The following PTS variants were observed in gnomAD, a reference collection of about 807,000 sequenced individuals.
PTS encodes the protein 6-pyruvoyltetrahydropterin synthase.
Under a neutral mutation model 20.6 loss-of-function variants are expected in PTS, and 23 were observed. The observed-to-expected ratio is 1.12, with a 90% CI of 0.80 to 1.58. PTS has a LOEUF of 1.58. Ranked by LOEUF, PTS falls within the 40% of genes most tolerant of loss-of-function variation. The probability of loss-of-function intolerance (pLI) is 0.00; values close to 1 mark genes in which losing one functional copy is unlikely to be tolerated. For synonymous variants in PTS, 65 were observed against 62.5 expected (o/e 1.04, Z -0.19); for missense variants, 186 against 182.4 (o/e 1.02, Z -0.11).
intron 4 of PTS, among the ~76,000 whole-genome samples, chr11:112,232,463 A>G (rs1466491694): frequency 6.6e-6 from 1 of 152,170 alleles, no homozygotes; most frequent in African/African-American, 2.4e-5. Flanking sequence ...ACTGTTATTA[A>G]TGTACCCTTC....
chr11:112,230,006 G>A (rs954742999), intron 2 of PTS: 3 of 617,884 alleles, frequency 4.9e-6, no homozygotes, highest in Non-Finnish European at 8.6e-6. Context: ...CCTTTGTCTC[G>A]ATTGTGTCTT....
At chr11:112,230,712 C>A in intron 4 of PTS, 30 bp downstream of exon 4, 1 of 1,568,450 alleles carries the variant, frequency 6.4e-7, no homozygotes, top group Non-Finnish European at 8.8e-7. Context: ...TTATTATGTG[C>A]TATTCCCTAA....
At chr11:112,227,239 C>G (rs1339495721) in intron 1 of PTS, among the ~76,000 whole-genome samples, 1 of 152,004 alleles carries the variant, frequency 6.6e-6, no homozygotes, top group Non-Finnish European at 1.5e-5. Flanking sequence ...TGAGGATGAC[C>G]ATCGCTATCT....
At position 112,233,048 on chromosome 11, in the gene PTS, C is replaced by A. The variant is rs561693014; in HGVS notation, c.244-115C>A. 1.2e-4 allele frequency: 126 copies of A among 1,039,518 alleles called. No homozygotes were observed. In the African/African-American group the frequency reaches 1.8e-3, roughly 14 times the overall value. The allele number at this position is 1,039,518 out of a possible 1,614,324, so 64.4% of individuals were successfully genotyped here. On this transcript the variant is annotated intron_variant, in intron 4 of 5. Coordinates refer to ENST00000280362, the MANE Select transcript of PTS (RefSeq NM_000317.3). ...TTGTAAGACTCAAATCTAGTACTTA[C>A]AAATATTTAGTTAGTGGCTAAGTGA...
Position 112,230,533 on chromosome 11 carries a change from C to T in PTS, c.187-93C>T, listed in dbSNP as rs1357099270. 1.4e-5 allele frequency: 16 copies of T among 1,143,126 alleles called. No homozygotes were observed. The East Asian group carries it at 3.5e-4, about 25-fold the overall frequency. 70.8% of individuals were successfully genotyped at this position (1,143,126 alleles called of 1,614,324 possible). ...GAAGGCAAATGTGCAAATGTGGGCACAGTCTCTGCACATTGTACTGCCTTT... is the reference window on the plus strand; with the variant it reads ...GAAGGCAAATGTGCAAATGTGGGCATAGTCTCTGCACATTGTACTGCCTTT... On this transcript the variant is annotated intron_variant, in intron 3 of 5. Transcript: ENST00000280362.
At chr11:112,226,568 G>C (rs200932940) in intron 1 of PTS, 42 bp downstream of exon 1, 1 of 1,483,044 alleles carries the variant, frequency 6.7e-7, no homozygotes, top group Non-Finnish European at 9.0e-7. Context: ...GGTGGGCGCC[G>C]GGCCCCGGAA....
intron 4 of PTS, 120 bp downstream of exon 4, chr11:112,230,802 A>T: frequency 1.1e-6 from 1 of 916,076 alleles, no homozygotes; most frequent in Non-Finnish European, 1.8e-6. Flanking sequence ...ATAGAACTGG[A>T]TGTGGGTGTT....
intron 4 of PTS, 90 bp from the exon 5 acceptor site, chr11:112,233,073 A>T (rs1859961526): frequency 1.7e-6 from 2 of 1,186,284 alleles, no homozygotes; most frequent in East Asian, 2.3e-5. Flanking sequence ...TGGCTAAGTG[A>T]TAAGGTGAGG....
chr11:112,230,604 T>C (rs767667638), intron 3 of PTS, 22 bp from the exon 4 acceptor site: 1 of 1,589,268 alleles, frequency 6.3e-7, no homozygotes, highest in African/African-American at 1.3e-5. Flanking sequence ...CACAGTAATA[T>C]TCACCTTTGT....
chr11:112,228,054 C>G (rs1178126502), intron 1 of PTS, among the ~76,000 whole-genome samples: 1 of 152,172 alleles, frequency 6.6e-6, no homozygotes, highest in Non-Finnish European at 1.5e-5. Flanking sequence ...TGGAATATTC[C>G]TCAACAGATT....
intron 1 of PTS, among the ~76,000 whole-genome samples, chr11:112,227,415 A>T (rs1859879837): frequency 6.6e-6 from 1 of 152,138 alleles, no homozygotes; most frequent in Admixed American, 6.5e-5. Context: ...AGCACTCTAA[A>T]TACAAGAAGT....
chr11:112,233,735 A>G lies in PTS; in HGVS notation c.*180A>G. The G allele has an allele frequency of 1.4e-6, 1 of 724,802 alleles. No homozygotes were observed. The highest frequency in any genetic ancestry group is 1.8e-5 in the African/African-American group (1 of 55,336). The allele number at this position is 724,802 out of a possible 1,614,324, so 44.9% of individuals were successfully genotyped here. Reference sequence around the variant, plus strand: ...TAAATTTAAGTCTATTTAAAACTAAACTTGTAATATACATCCTGAAAATCA... The same window carrying G: ...TAAATTTAAGTCTATTTAAAACTAAGCTTGTAATATACATCCTGAAAATCA... On this transcript the variant is annotated 3_prime_UTR_variant, in exon 6 of 6. Transcript: ENST00000280362.
rs146468442 is a variant in PTS at position 112,232,797 on chromosome 11, G to A, written c.244-366G>A. Among the ~76,000 whole-genome samples the A allele has an allele frequency of 7.9e-5, 12 of 152,264 alleles. No individual in the cohort carries two copies. In the East Asian group the frequency reaches 2.1e-3, roughly 27 times the overall value. The stretch of plus-strand genomic sequence containing the variant: ...CCTTATGATATTGTGGCATTGTTCC[G>A]TAGGTGTGACAGTGTTATGGAAAAA... On this transcript the variant is annotated intron_variant, in intron 4 of 5. Coordinates refer to ENST00000280362, the MANE Select transcript of PTS (RefSeq NM_000317.3).
intron 2 of PTS, chr11:112,228,927 G>C: frequency 2.0e-6 from 1 of 509,672 alleles, no homozygotes; most frequent in South Asian, 2.4e-5. Context: ...CTTTGTCCTA[G>C]AGTACACAAC....
At chr11:112,226,634 G>A (rs1859868850) in intron 1 of PTS, 108 bp downstream of exon 1, 2 of 839,004 alleles carry the variant, frequency 2.4e-6, no homozygotes, top group Non-Finnish European at 3.3e-6. Flanking sequence ...AGGGGCGCGG[G>A]GGCTGCTGGG....
At chr11:112,232,797 G>T (rs146468442) in intron 4 of PTS, among the ~76,000 whole-genome samples, 2 of 152,146 alleles carry the variant, frequency 1.3e-5, no homozygotes, top group African/African-American at 2.4e-5. Context: ...GCATTGTTCC[G>T]TAGGTGTGAC....
At position 112,226,528 on chromosome 11, in the gene PTS, T is replaced by G; in HGVS notation, c.83+2T>G. 6.3e-7 allele frequency: 1 copy of G among 1,580,924 alleles called. No homozygotes were observed. Among genetic ancestry groups the G allele is most frequent in the South Asian group, 1.2e-5 (1 of 86,158 alleles). On this transcript the variant is annotated splice_donor_variant, in intron 1 of 5. Coordinates refer to ENST00000280362, the MANE Select transcript of PTS (RefSeq NM_000317.3). LOFTEE classifies it high-confidence loss of function. ...CAGCGCGAGCCACCGATTGTACAGG[T>G]AGGGTGTGCACACAGGTACAGCGGC...
chr11:112,230,775 G>T (rs2135409268), intron 4 of PTS, 93 bp downstream of exon 4: 1 of 1,120,898 alleles, frequency 8.9e-7, no homozygotes, highest in Non-Finnish European at 1.4e-6. Flanking sequence ...ATCTCCTAAG[G>T]TTCCATGACT....
intron 2 of PTS, chr11:112,229,961 G>A (rs936602733): frequency 7.1e-6 from 4 of 566,460 alleles, no homozygotes; most frequent in South Asian, 4.1e-5. Context: ...AGCCTTGGCC[G>A]AGTGCCTCTG....
Sources: allele counts gnomAD v4.1 joint callset (sites outside exome capture counted in the v4.1 genomes callset), GRCh38; gene constraint gnomAD v4.1.1; transcripts MANE v1.5; gene names NCBI Gene and HGNC (gene_info 2026-07-23, HGNC 2026-07-21).